The following SOWAHC variants were observed in gnomAD, a reference collection of about 807,000 sequenced individuals.
SOWAHC encodes the protein sosondowah ankyrin repeat domain family member C.
In SOWAHC, 12 loss-of-function variants were observed where a neutral mutation model predicts 14.4. The observed-to-expected ratio is 0.83, with a 90% CI of 0.53 to 1.35. The LOEUF (loss-of-function observed/expected upper bound fraction) is 1.35, where lower values mean the gene tolerates loss of function less well. Ranked by LOEUF, SOWAHC falls within the 40% of genes most tolerant of loss-of-function variation. SOWAHC has a pLI of 0.00. For missense variants in SOWAHC, 771 were observed against 752.8 expected, an observed-to-expected ratio of 1.02 and a Z score of -0.28; for synonymous variants, 398 against 347.0, an observed-to-expected ratio of 1.15 and a Z score of -1.63.
Position 109,614,744 on chromosome 2 carries a change from A to G in SOWAHC, c.255A>G (p.Glu85=). 1 of 1,484,368 alleles carries G rather than the reference A, an allele frequency of 6.7e-7. No homozygotes were observed. Among genetic ancestry groups the G allele is most frequent in the Non-Finnish European group, 8.9e-7 (1 of 1,122,504 alleles). The allele number at this position is 1,484,368 out of a possible 1,614,324, so 91.9% of individuals were successfully genotyped here. The part of the protein sequence containing the change: ...KYVHLKKRFC[E]GPSEPSGDPP... The stretch of plus-strand genomic sequence containing the variant: ...TGCACCTCAAGAAGAGGTTCTGTGA[A>G]GGGCCGTCCGAGCCCTCCGGGGACC... The change falls in exon 1 of 1, where the codon GAA becomes GAG. Residue 85 remains glutamate, a synonymous_variant. Coordinates refer to ENST00000356454, the MANE Select transcript of SOWAHC (RefSeq NM_023016.4).
chr2:109,614,684 T>C lies in SOWAHC; in HGVS notation c.195T>C (p.Thr65=). ...HFKELVNAVA[T]VRVDPADGAK... ...AGGAGCTGGTGAACGCCGTGGCCAC[T>C]GTGCGCGTCGATCCCGCCGACGGCG... The change falls in exon 1 of 1, where the codon ACT becomes ACC. Residue 65 remains threonine, a synonymous_variant. Transcript: ENST00000356454. 6.7e-7 allele frequency: 1 copy of C among 1,486,588 alleles called. No individual in the cohort carries two copies. The highest frequency in any genetic ancestry group is 8.9e-7 in the Non-Finnish European group (1 of 1,122,982). 92.1% of individuals were successfully genotyped at this position (1,486,588 alleles called of 1,614,324 possible). A position where few individuals can be genotyped will look rare whatever the true frequency, so the allele number is the denominator to read the frequency against.
Position 109,618,403 on chromosome 2 carries a change from T to G in SOWAHC, c.*2336T>G, listed in dbSNP as rs1185176360. The G allele has an allele frequency of 6.0e-6, 1 of 167,092 alleles. No individual in the cohort carries two copies. The highest frequency in any genetic ancestry group is 1.5e-5 in the Non-Finnish European group (1 of 68,112). 10.4% of individuals were successfully genotyped at this position (167,092 alleles called of 1,614,324 possible). A position where few individuals can be genotyped will look rare whatever the true frequency, so the allele number is the denominator to read the frequency against. The stretch of plus-strand genomic sequence containing the variant: ...TGTTGGTCACTAATTGCACAAAATC[T>G]ATAATTTGCCAGGGCTTTAGAGATT... On this transcript the variant is annotated 3_prime_UTR_variant, in exon 1 of 1. Transcript: ENST00000356454.
chr2:109,615,219 A>G lies in SOWAHC; in HGVS notation c.730A>G (p.Ser244Gly). The change falls in exon 1 of 1, where the codon AGC becomes GGC. Residue 244 changes from serine (S) to glycine (G), a missense_variant. Physicochemically the swap from Ser to Gly is moderately conservative, Grantham distance 56 (BLOSUM62 0). Transcript: ENST00000356454. ...GRGRGGGDSD[S>G]ASVASSSAEE... ...CGGCAGAGGCGGGGGCGACTCAGAC[A>G]GCGCATCGGTGGCCTCGTCGTCCGC... 1 of 1,546,894 alleles carries G rather than the reference A, an allele frequency of 6.5e-7. No homozygotes were observed. Among genetic ancestry groups the G allele is most frequent in the Non-Finnish European group, 8.7e-7 (1 of 1,146,628 alleles).
chr2:109,615,930 A>G lies in SOWAHC; in HGVS notation c.1441A>G (p.Ile481Val). ...RLNKIRFRTQ[I>V]VHTTPSFRDP... ...CAACAAAATCCGATTCAGAACCCAG[A>G]TCGTCCACACCACACCCTCTTTCAG... is the stretch of plus-strand genomic sequence containing the variant. Residue 481 changes from isoleucine to valine, a missense_variant, in exon 1 of 1, where the codon ATC becomes GTC. Coordinates refer to ENST00000356454, the MANE Select transcript of SOWAHC (RefSeq NM_023016.4). 2 of 1,606,118 alleles carry G rather than the reference A, an allele frequency of 1.2e-6. No individual in the cohort carries two copies. Among genetic ancestry groups the G allele is most frequent in the Non-Finnish European group, 1.7e-6 (2 of 1,176,216 alleles).
chr2:109,614,757 C>T lies in SOWAHC; in HGVS notation c.268C>T (p.Pro90Ser), dbSNP rs1446542974. 2 of 1,481,508 alleles carry T rather than the reference C, an allele frequency of 1.3e-6. No homozygotes were observed. Among genetic ancestry groups the T allele is most frequent in the African/African-American group, 2.9e-5 (2 of 68,342 alleles). 91.8% of individuals were successfully genotyped at this position (1,481,508 alleles called of 1,614,324 possible). A position where few individuals can be genotyped will look rare whatever the true frequency, so the allele number is the denominator to read the frequency against. Residue 90 changes from proline to serine, a missense_variant, in exon 1 of 1, where the codon CCC (proline) becomes TCC (serine). Physicochemically the swap from Pro to Ser is moderately conservative, Grantham distance 74. Coordinates refer to ENST00000356454, the MANE Select transcript of SOWAHC (RefSeq NM_023016.4). Reference protein sequence around the residue: ...KKRFCEGPSEPSGDPPRIQVT... With the variant: ...KKRFCEGPSESSGDPPRIQVT... ...GAGGTTCTGTGAAGGGCCGTCCGAG[C>T]CCTCCGGGGACCCGCCGCGAATCCA... is the stretch of plus-strand genomic sequence containing the variant.
Position 109,615,769 on chromosome 2 carries a change from A to G in SOWAHC, c.1280A>G (p.Lys427Arg), listed in dbSNP as rs1700125384. The G allele has an allele frequency of 3.7e-6, 6 of 1,613,866 alleles. No individual in the cohort carries two copies. In the Admixed American group the frequency reaches 1.0e-4, roughly 27 times the overall value. ...CTTCCCTCGCATCTCATCACCTACA[A>G]ACTCTCACACGCCCTAGAAGATGGA... ...KVLPSHLITY[K>R]LSHALEDGGD... The change falls in exon 1 of 1, where the codon AAA becomes AGA. Residue 427 changes from lysine to arginine, a missense_variant. By Grantham distance (26) the Lys-to-Arg change is conservative. Coordinates refer to ENST00000356454, the MANE Select transcript of SOWAHC (RefSeq NM_023016.4).
rs745993518 is a variant in SOWAHC, at chr2:109,615,035, C to G, written c.546C>G (p.Gly182=). 2.6e-6 allele frequency: 4 copies of G among 1,548,016 alleles called. No individual in the cohort carries two copies. In the South Asian group the frequency reaches 4.8e-5, roughly 18 times the overall value. The change falls in exon 1 of 1, where the codon GGC becomes GGG. Residue 182 remains glycine (G), a synonymous_variant. Coordinates refer to ENST00000356454, the MANE Select transcript of SOWAHC (RefSeq NM_023016.4). ...PSEDLELPPH[G]CEEADRGSSL... The stretch of plus-strand genomic sequence containing the variant: ...AGGACCTGGAGCTCCCGCCACATGG[C>G]TGCGAGGAGGCGGACAGGGGCAGCT...
Position 109,615,641 on chromosome 2 carries a change from G to A in SOWAHC, c.1152G>A (p.Arg384=). 9 of 1,613,820 alleles carry A rather than the reference G, an allele frequency of 5.6e-6. No individual in the cohort carries two copies. Among genetic ancestry groups the A allele is most frequent in the Non-Finnish European group, 7.6e-6 (9 of 1,179,726 alleles). The change falls in exon 1 of 1, where the codon CGG becomes CGA. Residue 384 remains arginine, a synonymous_variant. Transcript: ENST00000356454. ...SGKKASQYLS[R]SIAEEIKNLV... is the part of the protein sequence containing the mutation. ...AAAAGGCCTCCCAGTACCTGAGTCG[G>A]AGCATCGCCGAGGAGATCAAGAACC...
At position 109,615,239 on chromosome 2, in the gene SOWAHC, G is replaced by T. The variant is rs1272135984; in HGVS notation, c.750G>T (p.Ser250=). The T allele has an allele frequency of 1.9e-6, 3 of 1,549,880 alleles. No individual in the cohort carries two copies. Among genetic ancestry groups the T allele is most frequent in the Non-Finnish European group, 2.6e-6 (3 of 1,147,994 alleles). ...GDSDSASVAS[S]SAEEESSGGG... is the part of the protein sequence containing the mutation. The stretch of plus-strand genomic sequence containing the variant: ...CAGACAGCGCATCGGTGGCCTCGTC[G>T]TCCGCGGAGGAGGAGAGCAGCGGCG... The change falls in exon 1 of 1, where the codon TCG becomes TCT. Residue 250 remains serine (S), a synonymous_variant. Transcript: ENST00000356454.
Position 109,614,907 on chromosome 2 carries a change from C to T in SOWAHC, c.418C>T (p.Pro140Ser), listed in dbSNP as rs966552685. The change falls in exon 1 of 1, where the codon CCC becomes TCC. Residue 140 changes from proline to serine, a missense_variant. Physicochemically the swap from Pro to Ser is moderately conservative, Grantham distance 74. Transcript: ENST00000356454. ...QGRELGEGEP[P>S]APAHWPPLSA... ...CCGCGAGCTGGGCGAGGGAGAGCCC[C>T]CCGCCCCCGCGCACTGGCCGCCCCT... 10 of 1,450,914 alleles carry T rather than the reference C, an allele frequency of 6.9e-6. No homozygotes were observed. In the Admixed American group the frequency reaches 2.3e-4, roughly 34 times the overall value. The allele number at this position is 1,450,914 out of a possible 1,614,324, so 89.9% of individuals were successfully genotyped here. A position where few individuals can be genotyped will look rare whatever the true frequency, so the allele number is the denominator to read the frequency against.
rs1700105203 is a variant in SOWAHC, at chr2:109,615,562, A to G, written c.1073A>G (p.Lys358Arg). The G allele has an allele frequency of 1.9e-6, 3 of 1,614,018 alleles. No individual in the cohort carries two copies. Among genetic ancestry groups the G allele is most frequent in the Admixed American group, 1.7e-5 (1 of 60,032 alleles). Residue 358 changes from lysine to arginine, a missense_variant, in exon 1 of 1, where the codon AAG becomes AGG. By Grantham distance (26) the Lys-to-Arg change is conservative. Coordinates refer to ENST00000356454, the MANE Select transcript of SOWAHC (RefSeq NM_023016.4). Reference sequence around the variant, plus strand: ...ATGCACGGCCACGTGGAGGTGGTGAAGCTGCTGGTGGGGGCCTACGACGCC... The same window carrying G: ...ATGCACGGCCACGTGGAGGTGGTGAGGCTGCTGGTGGGGGCCTACGACGCC... ...AAMHGHVEVV[K>R]LLVGAYDADV...
In SOWAHC at chr2:109,614,599, A is replaced by C; in HGVS notation, c.110A>C (p.His37Pro). The stretch of plus-strand genomic sequence containing the variant: ...GCCCTGCACGCCGAGCTGGTGCAGC[A>C]CTTCAGGGGCGCCCTAGGCGGCGAA... ...GRALHAELVQHFRGALGGEPE... is the reference protein window; with the variant it reads ...GRALHAELVQPFRGALGGEPE... The change falls in exon 1 of 1, where the codon CAC becomes CCC. Residue 37 changes from histidine to proline, a missense_variant. Transcript: ENST00000356454. 1 of 1,443,378 alleles carries C rather than the reference A, an allele frequency of 6.9e-7. No individual in the cohort carries two copies. The highest frequency in any genetic ancestry group is 9.1e-7 in the Non-Finnish European group (1 of 1,101,356). 89.4% of individuals were successfully genotyped at this position (1,443,378 alleles called of 1,614,324 possible). A position where few individuals can be genotyped will look rare whatever the true frequency, so the allele number is the denominator to read the frequency against.
rs1364003171 is a variant in SOWAHC at position 109,616,049 on chromosome 2, G to A, written c.1560G>A (p.Lys520=). 1 of 1,509,634 alleles carries A rather than the reference G, an allele frequency of 6.6e-7. No homozygotes were observed. Among genetic ancestry groups the A allele is most frequent in the Non-Finnish European group, 8.8e-7 (1 of 1,130,562 alleles). The allele number at this position is 1,509,634 out of a possible 1,614,324, so 93.5% of individuals were successfully genotyped here. The change falls in exon 1 of 1, where the codon AAG becomes AAA. Residue 520 remains lysine (K), a synonymous_variant. Coordinates refer to ENST00000356454, the MANE Select transcript of SOWAHC (RefSeq NM_023016.4). Reference sequence around the variant, plus strand: ...ACTCGCCCTTCACATTGAGACCAAAGTCCAATGTATTTGGGTAAAAATTGC... The same window carrying A: ...ACTCGCCCTTCACATTGAGACCAAAATCCAATGTATTTGGGTAAAAATTGC... ...KGHSPFTLRP[K]SNVFG
Position 109,614,905 on chromosome 2 carries a change from C to G in SOWAHC, c.416C>G (p.Pro139Arg). The change falls in exon 1 of 1, where the codon CCC becomes CGC. Residue 139 changes from proline to arginine, a missense_variant. Transcript: ENST00000356454. ...GQGRELGEGE[P>R]PAPAHWPPLS... ...GGCCGCGAGCTGGGCGAGGGAGAGCCCCCCGCCCCCGCGCACTGGCCGCCC... is the reference window on the plus strand; with the variant it reads ...GGCCGCGAGCTGGGCGAGGGAGAGCGCCCCGCCCCCGCGCACTGGCCGCCC... 2 of 1,448,272 alleles carry G rather than the reference C, an allele frequency of 1.4e-6. No homozygotes were observed. The highest frequency in any genetic ancestry group is 1.8e-6 in the Non-Finnish European group (2 of 1,110,602). 89.7% of individuals were successfully genotyped at this position (1,448,272 alleles called of 1,614,324 possible). A position where few individuals can be genotyped will look rare whatever the true frequency, so the allele number is the denominator to read the frequency against.
At position 109,616,835 on chromosome 2, in the gene SOWAHC, A is replaced by G. The variant is rs1700158131; in HGVS notation, c.*768A>G. The G allele has an allele frequency of 6.0e-6, 1 of 167,052 alleles. No individual in the cohort carries two copies. 10.3% of individuals were successfully genotyped at this position (167,052 alleles called of 1,614,324 possible). A position where few individuals can be genotyped will look rare whatever the true frequency, so the allele number is the denominator to read the frequency against. On this transcript the variant is annotated 3_prime_UTR_variant, in exon 1 of 1. Transcript: ENST00000356454. ...ACACAAAATTTTATTTAAAGAGAAC[A>G]CTTAGCAGCCTATGATAGTTTTCAA...
In SOWAHC at chr2:109,614,636, C is replaced by A; in HGVS notation, c.147C>A (p.Arg49=). 2 of 1,463,778 alleles carry A rather than the reference C, an allele frequency of 1.4e-6. No individual in the cohort carries two copies. The highest frequency in any genetic ancestry group is 1.8e-6 in the Non-Finnish European group (2 of 1,110,900). 90.7% of individuals were successfully genotyped at this position (1,463,778 alleles called of 1,614,324 possible). The stretch of plus-strand genomic sequence containing the variant: ...CCCTAGGCGGCGAACCGGAGCAGCG[C>A]GCCCGCGCCCGCGCGCACTTCAAGG... The part of the protein sequence containing the change: ...RGALGGEPEQ[R]ARARAHFKEL... The change falls in exon 1 of 1, where the codon CGC becomes CGA. Residue 49 remains arginine, a synonymous_variant. Coordinates refer to ENST00000356454, the MANE Select transcript of SOWAHC (RefSeq NM_023016.4).
At position 109,618,819 on chromosome 2, in the gene SOWAHC, G is replaced by T. The variant is rs1700181183; in HGVS notation, c.*2752G>T. ...GTGTTTGTCACATTTCACTTTCATG[G>T]TATATAAAATGCAGTTTGCATATAT... is the stretch of plus-strand genomic sequence containing the variant. On this transcript the variant is annotated 3_prime_UTR_variant, in exon 1 of 1. Transcript: ENST00000356454. The T allele has an allele frequency of 6.0e-6, 1 of 166,964 alleles. No individual in the cohort carries two copies. The allele number at this position is 166,964 out of a possible 1,614,324, so 10.3% of individuals were successfully genotyped here.
rs752137412 is a variant in SOWAHC at position 109,615,981 on chromosome 2, AG to A, written c.1498del (p.Glu500ArgfsTer18). The A allele has an allele frequency of 2.6e-6, 4 of 1,543,210 alleles. No homozygotes were observed. Among genetic ancestry groups the A allele is most frequent in the Non-Finnish European group, 2.6e-6 (3 of 1,146,890 alleles). On this transcript the variant is annotated frameshift_variant, in exon 1 of 1. Coordinates refer to ENST00000356454, the MANE Select transcript of SOWAHC (RefSeq NM_023016.4). LOFTEE classifies it high-confidence loss of function. ...GGACCCAGAGCAGCCGCTGGAGGGC[AG>A]GGGGGAGGAGGGAGTGGGGGAGGAA... Reference protein sequence around the residue: ...FRDPEQPLEGRGEEGVGEERP... With the variant: ...FRDPEQPLEGXGEEGVGEERP...
chr2:109,616,108 A>G lies in SOWAHC; in HGVS notation c.*41A>G. ...GAAAATGCAAAGGTTTATTTGTCTT[A>G]ATAAATTGAATACTAGGTGTTGTAA... On this transcript the variant is annotated 3_prime_UTR_variant, in exon 1 of 1. Transcript: ENST00000356454. 1 of 1,447,726 alleles carries G rather than the reference A, an allele frequency of 6.9e-7. No individual in the cohort carries two copies. 89.7% of individuals were successfully genotyped at this position (1,447,726 alleles called of 1,614,324 possible).
Sources: gnomAD v4.1 joint callset for allele counts on GRCh38, gnomAD v4.1.1 for gene constraint, MANE v1.5 for transcripts, NCBI Gene and HGNC (gene_info 2026-07-23, HGNC 2026-07-21) for gene names.